Variants in OTUD7B observed in about 807,000 individuals in gnomAD.
OTUD7B encodes OTU domain-containing protein 7B.
Under a neutral mutation model 82.2 loss-of-function variants are expected in OTUD7B, and 34 were observed. The observed-to-expected ratio is 0.41, with a 90% confidence interval of 0.31 to 0.55. The LOEUF (loss-of-function observed/expected upper bound fraction) is 0.55. OTUD7B is among the 20% of genes least tolerant of loss of function. OTUD7B has a pLI of 0.20. For missense variants in OTUD7B, 944 were observed against 1,062.1 expected, an observed-to-expected ratio of 0.89 and a Z score of 1.55; for synonymous variants, 398 against 402.7, an observed-to-expected ratio of 0.99 and a Z score of 0.14.
intron 2 of OTUD7B, among the ~76,000 whole-genome samples, chr1:149,974,572 C>CA (rs1650173238): frequency 1.3e-5 from 1 of 76,148 alleles, no homozygotes; most frequent in Non-Finnish European, 2.4e-5. Flanking sequence ...TTTTTGTAGA[C>CA]AGAGTCTCAC....
rs1296913338 is a variant in OTUD7B, at chr1:149,938,483, A to AAAAAAAAAAAAAAAAAAAAAAAAG, written c.*5373_*5374insCTTTTTTTTTTTTTTTTTTTTTTT. ...CGCAAAAAAAAAAAAAAAAAAAAAGACATAGGAAGAGGTGTGTACCATAAC... is the reference window on the plus strand; with the variant it reads ...CGCAAAAAAAAAAAAAAAAAAAAAGAAAAAAAAAAAAAAAAAAAAAAAAGCATAGGAAGAGGTGTGTACCATAAC... On this transcript the variant is annotated 3_prime_UTR_variant, in exon 12 of 12. Coordinates refer to ENST00000581312, the MANE Select transcript of OTUD7B (RefSeq NM_020205.4). The AAAAAAAAAAAAAAAAAAAAAAAAG allele has an allele frequency of 2.4e-5, 2 of 82,914 alleles. 1 individual carries two copies. The highest frequency in any genetic ancestry group is 4.2e-5 in the Non-Finnish European group (2 of 47,568). 5.1% of individuals were successfully genotyped at this position (82,914 alleles called of 1,614,324 possible). A position where few individuals can be genotyped will look rare whatever the true frequency, so the allele number is the denominator to read the frequency against.
At chr1:149,981,014 CAAAAAAAAAAAAAAAAAA>C (rs1156427665) in intron 1 of OTUD7B, among the ~76,000 whole-genome samples, 1 of 57,696 alleles carries the variant, frequency 1.7e-5, no homozygotes, top group Admixed American at 2.3e-4. Context: ...GACCCTGTTT[CAAAAAAAAAAAAAAAAAA>C]AAAAAAAAGC....
chr1:149,986,623 G>A (rs1405622492), intron 1 of OTUD7B, among the ~76,000 whole-genome samples: 1 of 152,142 alleles, frequency 6.6e-6, no homozygotes, highest in Non-Finnish European at 1.5e-5. Flanking sequence ...AGCTGCATTT[G>A]AGTCCTCTCC....
At chr1:149,951,278 A>T (rs1289691788) in intron 7 of OTUD7B, among the ~76,000 whole-genome samples, 2 of 144,766 alleles carry the variant, frequency 1.4e-5, no homozygotes, top group Admixed American at 6.8e-5. Flanking sequence ...GCAATTTTTT[A>T]AATTTTTAGT....
intron 7 of OTUD7B, among the ~76,000 whole-genome samples, chr1:149,957,560 A>C (rs1648778003): frequency 6.6e-6 from 1 of 152,202 alleles, no homozygotes; most frequent in Non-Finnish European, 1.5e-5. Flanking sequence ...CTCTCTTCAA[A>C]GCTGTCAGAC....
At chr1:150,001,490 A>G (rs895889776) in intron 1 of OTUD7B, among the ~76,000 whole-genome samples, 1 of 152,204 alleles carries the variant, frequency 6.6e-6, no homozygotes, top group African/African-American at 2.4e-5. Context: ...GTTTATTGCC[A>G]TCTCAAATCA....
chr1:149,964,591 GT>G (rs1216299951), intron 5 of OTUD7B, among the ~76,000 whole-genome samples: 2 of 151,536 alleles, frequency 1.3e-5, no homozygotes, highest in African/African-American at 2.4e-5. Flanking sequence ...TTTTTTATGG[GT>G]TTTTTTGGTT....
At chr1:150,032,465 GAAAAAAAA>G in the OTUD7B span, among the ~76,000 whole-genome samples, 13 of 85,768 alleles carry the variant, frequency 1.5e-4, no homozygotes, top group African/African-American at 4.1e-4. Flanking sequence ...CCTGTCTACA[GAAAAAAAA>G]AAAAAAAAAA....
the OTUD7B span, among the ~76,000 whole-genome samples, chr1:150,034,443 G>A: frequency 1.3e-5 from 2 of 152,274 alleles, no homozygotes; most frequent in African/African-American, 4.8e-5. Context: ...CAGCCCTATA[G>A]ATATCACACA....
At chr1:149,992,056 C>T (rs1469574664) in intron 1 of OTUD7B, among the ~76,000 whole-genome samples, 2 of 152,126 alleles carry the variant, frequency 1.3e-5, no homozygotes, top group South Asian at 2.1e-4. Context: ...GGTGAAACCC[C>T]ATCTCTACTA....
chr1:150,027,997 T>C, the OTUD7B span, among the ~76,000 whole-genome samples: 1 of 152,192 alleles, frequency 6.6e-6, no homozygotes, highest in African/African-American at 2.4e-5. Flanking sequence ...ACTATCTGAA[T>C]CACAAAACCA....
intron 6 of OTUD7B, chr1:149,961,894 A>T (rs1423291334): frequency 6.6e-6 from 1 of 152,214 alleles, no homozygotes; most frequent in Non-Finnish European, 1.5e-5. Context: ...GATGTATATA[A>T]TGATAAGGGA....
the OTUD7B span, among the ~76,000 whole-genome samples, chr1:150,030,141 C>A: frequency 3.2e-4 from 48 of 152,318 alleles, no homozygotes; most frequent in Non-Finnish European, 6.9e-4. Context: ...GAAAACGCTT[C>A]TCTCATTCCT....
Position 149,944,515 on chromosome 1 carries a change from T to A in OTUD7B, c.1874A>T (p.Glu625Val). 6.2e-7 allele frequency: 1 copy of A among 1,614,148 alleles called. No homozygotes were observed. Among genetic ancestry groups the A allele is most frequent in the Non-Finnish European group, 8.5e-7 (1 of 1,180,028 alleles). The change falls in exon 12 of 12, where the codon GAG becomes GTG. Residue 625 changes from glutamate to valine, a missense_variant. By Grantham distance (121) the Glu-to-Val change is moderately radical (BLOSUM62 -2). Transcript: ENST00000581312. ...AGAAAGGTAGCGCTGGATCATTTCCTCCTGATACTGGTGACGGTGACCCAT... is the reference window on the plus strand; with the variant it reads ...AGAAAGGTAGCGCTGGATCATTTCCACCTGATACTGGTGACGGTGACCCAT... ...LKMGHRHQYQEEMIQRYLSDA... is the reference protein window; with the variant it reads ...LKMGHRHQYQVEMIQRYLSDA...
Position 149,949,709 on chromosome 1 carries a change from G to T in OTUD7B, c.1043C>A (p.Ser348Tyr). The part of the protein sequence containing the change: ...LEVPASQCHR[S>Y]PLVLAYDQAH... ...CTGATCATAGGCGAGCACCAGAGGG[G>T]AGCGGTGACACTGGCTGGCTGGGAC... The change falls in exon 9 of 12, where the codon TCC (serine) becomes TAC (tyrosine). Residue 348 changes from serine (S) to tyrosine (Y), a missense_variant. Physicochemically the swap from Ser to Tyr is moderately radical, Grantham distance 144 (BLOSUM62 -2). Coordinates refer to ENST00000581312, the MANE Select transcript of OTUD7B (RefSeq NM_020205.4). The T allele has an allele frequency of 6.2e-7, 1 of 1,614,148 alleles. No individual in the cohort carries two copies. Among genetic ancestry groups the T allele is most frequent in the Non-Finnish European group, 8.5e-7 (1 of 1,179,998 alleles).
the OTUD7B span, among the ~76,000 whole-genome samples, chr1:150,033,306 A>G: frequency 6.6e-6 from 1 of 152,208 alleles, no homozygotes; most frequent in Non-Finnish European, 1.5e-5. Flanking sequence ...TGCCCAAAAA[A>G]TCTAATAATA....
the OTUD7B span, among the ~76,000 whole-genome samples, chr1:150,036,095 G>A: frequency 6.6e-6 from 1 of 151,196 alleles, no homozygotes; most frequent in Admixed American, 6.6e-5. Context: ...TGGGACCACA[G>A]GCACGTGCCA....
Position 149,995,534 on chromosome 1 carries a change from G to A in OTUD7B, c.-67+14914C>T, listed in dbSNP as rs587744674. On this transcript the variant is annotated intron_variant, in intron 1 of 11. Coordinates refer to ENST00000581312, the MANE Select transcript of OTUD7B (RefSeq NM_020205.4). ...GCAGGGGTTGCAGTGAGCCAAGATC[G>A]TGCCACTGCACTCCAGCCTGGGTGA... 4.6e-5 allele frequency among the ~76,000 whole-genome samples: 7 copies of A among 151,802 alleles called. No homozygotes were observed. The South Asian group carries it at 1.0e-3, about 23-fold the overall frequency.
the OTUD7B span, among the ~76,000 whole-genome samples, chr1:150,027,388 C>G: frequency 3.7e-4 from 56 of 152,242 alleles, no homozygotes; most frequent in African/African-American, 1.2e-3. Context: ...GAGTTTGAGA[C>G]CAGCCTGGCC....
Sources: gnomAD v4.1 joint callset for allele counts (sites outside exome capture counted in the v4.1 genomes callset) on GRCh38, gnomAD v4.1.1 for gene constraint, MANE v1.5 for transcripts, NCBI Gene and HGNC (gene_info 2026-07-23, HGNC 2026-07-21) for gene names.